EYA2: variants seen among roughly 807,000 people sequenced by gnomAD.
EYA2 encodes the protein protein phosphatase EYA2.
EYA2 carries 31 observed loss-of-function variants against 69.2 expected under a neutral mutation model. The observed-to-expected ratio is 0.45, with a 90% CI of 0.34 to 0.60. The LOEUF is 0.60. Ranked by LOEUF, EYA2 falls within the 20% of genes least tolerant of loss-of-function variation. EYA2 has a pLI of 0.02. For synonymous variants in EYA2, 257 were observed against 279.4 expected (o/e 0.92, Z 0.80); for missense variants, 622 against 701.2 (o/e 0.89, Z 1.28).
chr20:47,179,294 ATGG>A (rs2034486000), intron 12 of EYA2, among the ~76,000 whole-genome samples: 1 of 65,342 alleles, frequency 1.5e-5, no homozygotes, highest in African/African-American at 6.2e-5. Flanking sequence ...GGATGGGTGG[ATGG>A]GTGGGTGGGT....
chr20:47,010,323 T>C (rs1057196207), intron 4 of EYA2, among the ~76,000 whole-genome samples: 1 of 151,786 alleles, frequency 6.6e-6, no homozygotes, highest in African/African-American at 2.4e-5. Flanking sequence ...CCTCTCATGC[T>C]GCTGTGCTCG....
chr20:46,984,711 C>T (rs1214902528), intron 1 of EYA2, among the ~76,000 whole-genome samples: 2 of 152,154 alleles, frequency 1.3e-5, no homozygotes, highest in Admixed American at 1.3e-4. Flanking sequence ...TACTCCATAA[C>T]ACAGAAATCC....
intron 8 of EYA2, 108 bp downstream of exon 8, chr20:47,089,489 C>A: frequency 7.6e-7 from 1 of 1,309,102 alleles, no homozygotes; most frequent in Non-Finnish European, 1.0e-6. Flanking sequence ...AATCGCCCTT[C>A]GTGTTTTACA....
chr20:47,050,909 G>A (rs16992257), intron 5 of EYA2, among the ~76,000 whole-genome samples: 6,920 of 152,324 alleles, frequency 0.045, 527 homozygotes, highest in African/African-American at 0.16. Flanking sequence ...TCCTTGCCCC[G>A]CTGGGACAGA....
At chr20:47,014,535 C>T (rs1203084230) in intron 4 of EYA2, among the ~76,000 whole-genome samples, 1 of 151,992 alleles carries the variant, frequency 6.6e-6, no homozygotes, top group Non-Finnish European at 1.5e-5. Flanking sequence ...CATTCAGCAA[C>T]ATCCAAGAAG....
At chr20:47,118,005 C>T (rs1460704601) in intron 9 of EYA2, among the ~76,000 whole-genome samples, 4 of 152,206 alleles carry the variant, frequency 2.6e-5, no homozygotes, top group Non-Finnish European at 5.9e-5. Context: ...AGTTTAAAGG[C>T]CTGGCCAGAC....
chr20:47,019,083 G>A (rs988377725), intron 5 of EYA2, among the ~76,000 whole-genome samples: 31 of 152,174 alleles, frequency 2.0e-4, no homozygotes, highest in Admixed American at 1.9e-3. Context: ...AGTGGGAAAT[G>A]AGCCAGGCAG....
At chr20:46,984,424 T>G (rs1175644883) in intron 1 of EYA2, among the ~76,000 whole-genome samples, 2 of 151,170 alleles carry the variant, frequency 1.3e-5, no homozygotes. Flanking sequence ...TGGGCAAGCA[T>G]AAAAGATCTG....
chr20:47,163,305 A>G (rs2034108740), intron 10 of EYA2, among the ~76,000 whole-genome samples: 1 of 152,126 alleles, frequency 6.6e-6, no homozygotes, highest in Non-Finnish European at 1.5e-5. Context: ...TGCTGGGATT[A>G]CAGATGTAAG....
At chr20:47,111,196 G>T (rs1376708529) in intron 9 of EYA2, among the ~76,000 whole-genome samples, 1 of 152,136 alleles carries the variant, frequency 6.6e-6, no homozygotes, top group Non-Finnish European at 1.5e-5. Flanking sequence ...AAAATACCTG[G>T]TACATCTGAA....
chr20:46,994,926 G>T (rs1047687191), intron 2 of EYA2, among the ~76,000 whole-genome samples: 3 of 150,274 alleles, frequency 2.0e-5, no homozygotes, highest in African/African-American at 7.4e-5. Context: ...TTGAGACCGA[G>T]TTTCGCTCTT....
intron 1 of EYA2, among the ~76,000 whole-genome samples, chr20:46,902,057 C>G (rs1036723805): frequency 6.6e-6 from 1 of 152,142 alleles, no homozygotes; most frequent in Non-Finnish European, 1.5e-5. Flanking sequence ...CAGCATTGCT[C>G]AGGCACCCAC....
chr20:46,944,942 A>G (rs1410872382), intron 1 of EYA2, among the ~76,000 whole-genome samples: 1 of 152,138 alleles, frequency 6.6e-6, no homozygotes, highest in Non-Finnish European at 1.5e-5. Flanking sequence ...CGTCTCTACA[A>G]AAAATACAAA....
intron 1 of EYA2, among the ~76,000 whole-genome samples, chr20:46,986,714 C>T (rs550110652): frequency 1.1e-4 from 16 of 152,136 alleles, no homozygotes; most frequent in Non-Finnish European, 1.6e-4. Flanking sequence ...GCACATCCCA[C>T]GGTAACAGAA....
At chr20:47,063,157 A>C (rs571342971) in intron 5 of EYA2, among the ~76,000 whole-genome samples, 1 of 152,254 alleles carries the variant, frequency 6.6e-6, no homozygotes, top group African/African-American at 2.4e-5. Flanking sequence ...CACCACCTCC[A>C]ATTCCAACAC....
At chr20:47,110,547 A>G (rs904624881) in intron 9 of EYA2, among the ~76,000 whole-genome samples, 2 of 152,142 alleles carry the variant, frequency 1.3e-5, no homozygotes, top group African/African-American at 4.8e-5. Context: ...ACCACGTAAC[A>G]TGTCCCTAGT....
intron 3 of EYA2, among the ~76,000 whole-genome samples, chr20:47,002,544 T>C (rs1982445330): frequency 6.6e-6 from 1 of 152,224 alleles, no homozygotes; most frequent in African/African-American, 2.4e-5. Context: ...TCTTGTTCCT[T>C]TTTATGGCTG....
chr20:47,097,196 CTTT>C (rs569031055), intron 9 of EYA2, 28 bp downstream of exon 9: 2 of 1,528,936 alleles, frequency 1.3e-6, no homozygotes, highest in Admixed American at 3.6e-5. Flanking sequence ...CTCTCTCTCT[CTTT>C]TTTTGTTTTC....
At position 47,068,942 on chromosome 20, in the gene EYA2, G is replaced by A. The variant is rs6124936; in HGVS notation, c.416-3243G>A. Among the ~76,000 whole-genome samples, 1,435 of 152,234 alleles carry A rather than the reference G, an allele frequency of 9.4e-3. 69 individuals are homozygous for A. In the East Asian group the frequency reaches 0.16, roughly 17 times the overall value. On this transcript the variant is annotated intron_variant, in intron 5 of 15. Transcript: ENST00000327619. The stretch of plus-strand genomic sequence containing the variant: ...TTTAGAGATGTGCCTGCAGTTGTGC[G>A]GTTGCTGCTTTAAAACCTCTGACAG...
Sources: allele counts gnomAD v4.1 joint callset (sites outside exome capture counted in the v4.1 genomes callset), GRCh38; gene constraint gnomAD v4.1.1; transcripts MANE v1.5; gene names NCBI Gene and HGNC (gene_info 2026-07-23, HGNC 2026-07-21).